Variants in CDKN2B-AS1 observed in about 807,000 individuals in gnomAD.
The protein encoded by CDKN2B-AS1 is CDKN2B antisense RNA 1 (non-protein coding).
At chr9:22,057,636 C>G (rs538816067) in intron 4 of CDKN2B-AS1, among the ~76,000 whole-genome samples, 75 of 151,932 alleles carry the variant, frequency 4.9e-4, no homozygotes, top group African/African-American at 1.7e-3. Flanking sequence ...TGGTGTAAAC[C>G]CCATCTCTAC....
intron 4 of CDKN2B-AS1, among the ~76,000 whole-genome samples, chr9:22,074,658 G>A (rs982037846): frequency 1.3e-5 from 2 of 152,122 alleles, no homozygotes; most frequent in African/African-American, 4.8e-5. Context: ...GCTGGGGAGC[G>A]ACTTTCTTGG....
intron 1 of CDKN2B-AS1, chr9:22,012,550 C>T: frequency 1.8e-6 from 1 of 567,382 alleles, no homozygotes; most frequent in Non-Finnish European, 3.4e-6. Flanking sequence ...GCTCTTCCTT[C>T]CTCGGAGGGC....
rs1435114201 is a variant in CDKN2B-AS1, at chr9:21,999,876, T to G, written n.29+4715T>G. Among the ~76,000 whole-genome samples the G allele has an allele frequency of 6.6e-6, 1 of 152,172 alleles. No individual in the cohort carries two copies. Among genetic ancestry groups the G allele is most frequent in the Admixed American group, 6.5e-5 (1 of 15,274 alleles). On this transcript the variant is annotated intron_variant and non_coding_transcript_variant, in intron 1 of 4. Coordinates refer to ENST00000650946, the Ensembl canonical transcript of CDKN2B-AS1. This position sits in a 1 kb window ranked among gnomAD's most constrained non-coding sequence, Gnocchi z 4.7. ...AAAGAAAGCAAGTGACAGAATAGTATGATCCCATTCATGTTTTCCAAATAT... is the reference window on the plus strand; with the variant it reads ...AAAGAAAGCAAGTGACAGAATAGTAGGATCCCATTCATGTTTTCCAAATAT...
chr9:22,088,466 C>CAT (rs1824941937), intron 4 of CDKN2B-AS1, among the ~76,000 whole-genome samples: 1 of 146,346 alleles, frequency 6.8e-6, no homozygotes, highest in Non-Finnish European at 1.5e-5. Flanking sequence ...CACACACACA[C>CAT]AGAATTGCCA....
intron 4 of CDKN2B-AS1, among the ~76,000 whole-genome samples, chr9:22,121,458 C>A (rs1445357300): frequency 1.3e-5 from 2 of 151,898 alleles, no homozygotes; most frequent in Admixed American, 6.6e-5. Context: ...AATTCGCATA[C>A]CCAGTCATCC....
At chr9:22,002,284 GCTT>G (rs1820952783) in intron 1 of CDKN2B-AS1, among the ~76,000 whole-genome samples, 2 of 151,978 alleles carry the variant, frequency 1.3e-5, no homozygotes, top group South Asian at 4.1e-4. Flanking sequence ...TCACATGAGT[GCTT>G]CTTCAGATAA....
chr9:22,126,832 A>G (rs561520113), intron 4 of CDKN2B-AS1, among the ~76,000 whole-genome samples: 86 of 152,242 alleles, frequency 5.6e-4, no homozygotes, highest in African/African-American at 1.9e-3. Flanking sequence ...TCGGCCTCCC[A>G]AAGTGCTGGG....
chr9:22,044,735 T>G (rs1156489807), intron 1 of CDKN2B-AS1, among the ~76,000 whole-genome samples: 1 of 151,924 alleles, frequency 6.6e-6, no homozygotes, highest in Non-Finnish European at 1.5e-5. Context: ...CATTTTTTTT[T>G]CTATTCCTCT....
chr9:22,016,534 C>T lies in CDKN2B-AS1; in HGVS notation n.29+21373C>T, dbSNP rs1821768240. 2.0e-5 allele frequency among the ~76,000 whole-genome samples: 3 copies of T among 152,170 alleles called. No homozygotes were observed. The South Asian group carries it at 6.2e-4, about 32-fold the overall frequency. ...AACAAAGCTGGAGGCATCATGCAAC[C>T]TGACTTCAAACTATACTACAAGGCT... On this transcript the variant is annotated intron_variant and non_coding_transcript_variant, in intron 1 of 4. Coordinates refer to ENST00000650946, the Ensembl canonical transcript of CDKN2B-AS1.
At chr9:22,038,765 A>G (rs1005982067) in intron 1 of CDKN2B-AS1, among the ~76,000 whole-genome samples, 1 of 152,020 alleles carries the variant, frequency 6.6e-6, no homozygotes, top group African/African-American at 2.4e-5. Flanking sequence ...TAATGTCTAG[A>G]AAAAAATCCA....
chr9:22,049,618 A>G (rs546283903), intron 3 of CDKN2B-AS1, among the ~76,000 whole-genome samples: 8 of 152,278 alleles, frequency 5.3e-5, no homozygotes, highest in Non-Finnish European at 7.4e-5. Context: ...TAAATCCTAG[A>G]GTAGGGCAGA....
At chr9:22,002,888 A>G (rs566152433) in intron 1 of CDKN2B-AS1, 1 of 181,268 alleles carries the variant, frequency 5.5e-6, no homozygotes, top group Non-Finnish European at 1.2e-5. Flanking sequence ...AAAGATAAAA[A>G]TGAAGCCAAA....
intron 4 of CDKN2B-AS1, among the ~76,000 whole-genome samples, chr9:22,071,284 GCTTTTTTTTT>G (rs151033714): frequency 1.3e-5 from 1 of 77,480 alleles, no homozygotes. Flanking sequence ...GAAATATCTA[GCTTTTTTTTT>G]TTTTTTTTTT....
chr9:22,029,790 C>A, intron 1 of CDKN2B-AS1: 1 of 311,758 alleles, frequency 3.2e-6, no homozygotes, highest in Non-Finnish European at 5.8e-6. Flanking sequence ...TTTATAATCA[C>A]TAAGATGTTA....
At position 22,005,896 on chromosome 9, in the gene CDKN2B-AS1, C is replaced by T; in HGVS notation, n.29+10735C>T. 6.6e-7 allele frequency: 1 copy of T among 1,522,524 alleles called. No homozygotes were observed. 94.3% of individuals were successfully genotyped at this position (1,522,524 alleles called of 1,614,324 possible). On this transcript the variant is annotated intron_variant and non_coding_transcript_variant, in intron 1 of 4. Transcript: ENST00000650946. This position sits in a 1 kb window ranked among gnomAD's most constrained non-coding sequence, Gnocchi z 4.9. Reference sequence around the variant, plus strand: ...GCAGGCTTACAGGCTTTCCGCCGCTCCCCGTTGGCAGCCTTCATCGAATTA... The same window carrying T: ...GCAGGCTTACAGGCTTTCCGCCGCTTCCCGTTGGCAGCCTTCATCGAATTA...
chr9:22,005,669 G>C lies in CDKN2B-AS1; in HGVS notation n.29+10508G>C, dbSNP rs1821137567. ...ATTCGTAGCCACCAGGTCCAGTCAA[G>C]GATTTCATATGCACTTTCCCTCAGA... On this transcript the variant is annotated intron_variant and non_coding_transcript_variant, in intron 1 of 4. Coordinates refer to ENST00000650946, the Ensembl canonical transcript of CDKN2B-AS1. This position sits in a 1 kb window ranked among gnomAD's most constrained non-coding sequence, Gnocchi z 4.9. 4.0e-6 allele frequency: 2 copies of C among 497,682 alleles called. No homozygotes were observed. Among genetic ancestry groups the C allele is most frequent in the Admixed American group, 3.3e-5 (1 of 30,406 alleles). The allele number at this position is 497,682 out of a possible 1,614,324, so 30.8% of individuals were successfully genotyped here.
At chr9:22,051,147 G>A (rs1434427892) in intron 3 of CDKN2B-AS1, among the ~76,000 whole-genome samples, 1 of 152,114 alleles carries the variant, frequency 6.6e-6, no homozygotes, top group African/African-American at 2.4e-5. Flanking sequence ...CCTCTGGTTT[G>A]TGGGCTGTAC....
chr9:22,044,204 A>C (rs1430244946), intron 1 of CDKN2B-AS1, among the ~76,000 whole-genome samples: 1 of 152,016 alleles, frequency 6.6e-6, no homozygotes, highest in Non-Finnish European at 1.5e-5. Context: ...TTCACACCTG[A>C]CTATTTTACA....
chr9:22,027,504 C>T (rs1269300743), intron 1 of CDKN2B-AS1, among the ~76,000 whole-genome samples: 1 of 152,028 alleles, frequency 6.6e-6, no homozygotes, highest in Non-Finnish European at 1.5e-5. Flanking sequence ...TTCATTCTTA[C>T]CAAATATAGA....
Sources: allele counts gnomAD v4.1 joint callset (sites outside exome capture counted in the v4.1 genomes callset), GRCh38; gene constraint gnomAD v4.1.1; non-coding constraint Gnocchi (gnomAD v3.1); transcripts MANE v1.5; gene names NCBI Gene and HGNC (gene_info 2026-07-23, HGNC 2026-07-21).